SERINC5: variants seen among roughly 807,000 people sequenced by gnomAD.
The protein encoded by SERINC5 is serine incorporator 5, also known as chromosome 5 open reading frame 12.
SERINC5 carries 41 observed loss-of-function variants against 63.1 expected under a neutral mutation model. The ratio of observed to expected loss-of-function variants is 0.65; its 90% confidence interval spans 0.51 to 0.84. The LOEUF is 0.84. Among genes scored for constraint, SERINC5 ranks in the 40% least tolerant of loss-of-function variants. SERINC5 has a pLI of 0.00. For synonymous variants in SERINC5, 222 were observed against 215.2 expected, an observed-to-expected ratio of 1.03 and a Z score of -0.28; for missense variants, 523 against 573.0, an observed-to-expected ratio of 0.91 and a Z score of 0.89.
At chr5:80,164,686 G>C (rs1259412013) in intron 7 of SERINC5, among the ~76,000 whole-genome samples, 3 of 151,878 alleles carry the variant, frequency 2.0e-5, no homozygotes, top group African/African-American at 7.3e-5. Context: ...ACACAGCCCT[G>C]ATCTTTGTTA....
intron 2 of SERINC5, among the ~76,000 whole-genome samples, chr5:80,181,981 A>G (rs934549870): frequency 2.6e-5 from 4 of 152,158 alleles, no homozygotes; most frequent in Admixed American, 2.0e-4. Flanking sequence ...CTTAATGTTA[A>G]ATGTTATTTT....
intron 1 of SERINC5, among the ~76,000 whole-genome samples, chr5:80,243,785 A>AAATAAATAAATG (rs1449805916): frequency 2.7e-5 from 4 of 148,422 alleles, no homozygotes; most frequent in Non-Finnish European, 4.5e-5. Flanking sequence ...ATAAATAAAT[A>AAATAAATAAATG]AAACAAAATA....
At chr5:80,160,677 T>C (rs747681735) in intron 7 of SERINC5, among the ~76,000 whole-genome samples, 7 of 152,124 alleles carry the variant, frequency 4.6e-5, no homozygotes, top group Non-Finnish European at 1.0e-4. Flanking sequence ...CATTAAGTAA[T>C]TTCTCACCAT....
At position 80,193,162 on chromosome 5, in the gene SERINC5, T is replaced by A. The variant is rs1299756470; in HGVS notation, c.195+9724A>T. Among the ~76,000 whole-genome samples the A allele has an allele frequency of 2.0e-5, 3 of 152,226 alleles. No homozygotes were observed. In the East Asian group the frequency reaches 5.8e-4, roughly 29 times the overall value. On this transcript the variant is annotated intron_variant, in intron 2 of 11. Transcript: ENST00000507668. ...AAACTTTTGAAGAATGAGCTCGGAT[T>A]ACAGTTTAATCAAGTCACAGAATCA...
intron 1 of SERINC5, among the ~76,000 whole-genome samples, chr5:80,238,525 CT>C (rs1227284726): frequency 6.6e-6 from 1 of 152,144 alleles, no homozygotes; most frequent in Non-Finnish European, 1.5e-5. Flanking sequence ...TGGCGCATGC[CT>C]GTAATCCCAG....
chr5:80,121,664 TA>T (rs138900224), intron 11 of SERINC5, among the ~76,000 whole-genome samples: 2,678 of 152,280 alleles, frequency 0.018, 28 homozygotes, highest in Non-Finnish European at 0.028. Context: ...TAATTTATTT[TA>T]AAAAGAGGTT....
chr5:80,203,967 T>C (rs867720046), intron 1 of SERINC5, among the ~76,000 whole-genome samples: 1 of 152,172 alleles, frequency 6.6e-6, no homozygotes, highest in Admixed American at 6.5e-5. Flanking sequence ...ATGTACATAA[T>C]AGTGCCTCCA....
At chr5:80,209,874 C>T (rs913410250) in intron 1 of SERINC5, among the ~76,000 whole-genome samples, 1 of 151,858 alleles carries the variant, frequency 6.6e-6, no homozygotes, top group Non-Finnish European at 1.5e-5. Context: ...ATGGCAAAAC[C>T]CCATCTCTAC....
intron 1 of SERINC5, among the ~76,000 whole-genome samples, chr5:80,233,888 T>C (rs1293921531): frequency 7.3e-6 from 1 of 137,754 alleles, no homozygotes; most frequent in Non-Finnish European, 1.5e-5. Context: ...CTCGGCTCAC[T>C]ACAACCTCTG....
chr5:80,141,344 A>G lies in SERINC5; in HGVS notation c.*2319T>C. ...CAGAAGGAAGCGACGAGGGCCTTCT[A>G]CCGGCCACACTCCCTTGCTTGGGCT... On this transcript the variant is annotated 3_prime_UTR_variant, in exon 12 of 12. Coordinates refer to ENST00000507668, the MANE Select transcript of SERINC5 (RefSeq NM_001174072.3). 1.0e-6 allele frequency: 1 copy of G among 985,438 alleles called. No homozygotes were observed. Among genetic ancestry groups the G allele is most frequent in the East Asian group, 1.1e-4 (1 of 8,824 alleles). The allele number at this position is 985,438 out of a possible 1,614,324, so 61.0% of individuals were successfully genotyped here. A position where few individuals can be genotyped will look rare whatever the true frequency, so the allele number is the denominator to read the frequency against.
intron 9 of SERINC5, among the ~76,000 whole-genome samples, chr5:80,149,440 C>A (rs1390418558): frequency 1.3e-5 from 2 of 152,140 alleles, no homozygotes; most frequent in African/African-American, 4.8e-5. Flanking sequence ...GCAAGAGAGA[C>A]CAACCCCAGA....
chr5:80,172,480 CT>C (rs1747732449), intron 5 of SERINC5, among the ~76,000 whole-genome samples: 1 of 152,198 alleles, frequency 6.6e-6, no homozygotes. Flanking sequence ...GAAAAAGCAA[CT>C]TGCTTTATGC....
intron 1 of SERINC5, among the ~76,000 whole-genome samples, chr5:80,239,044 C>T (rs1439663068): frequency 6.6e-6 from 1 of 152,156 alleles, no homozygotes; most frequent in East Asian, 1.9e-4. Context: ...GCTGTGTGGC[C>T]TTGGAAGATA....
At chr5:80,175,387 T>G (rs1747962765) in intron 4 of SERINC5, among the ~76,000 whole-genome samples, 1 of 152,102 alleles carries the variant, frequency 6.6e-6, no homozygotes, top group African/African-American at 2.4e-5. Context: ...ACCCACAACT[T>G]AAAAGCAAAC....
chr5:80,212,833 G>C (rs906491116), intron 1 of SERINC5, among the ~76,000 whole-genome samples: 6 of 152,160 alleles, frequency 3.9e-5, no homozygotes, highest in Non-Finnish European at 5.9e-5. Flanking sequence ...TGTAACTGCA[G>C]GTAGTTCCTA....
intron 7 of SERINC5, 65 bp downstream of exon 7, chr5:80,166,318 G>C: frequency 9.2e-7 from 1 of 1,092,352 alleles, no homozygotes; most frequent in Non-Finnish European, 1.4e-6. Flanking sequence ...TTAAACAATA[G>C]CTCATTCCTC....
At chr5:80,172,397 G>A (rs1390462522) in intron 5 of SERINC5, among the ~76,000 whole-genome samples, 1 of 152,124 alleles carries the variant, frequency 6.6e-6, no homozygotes, top group Admixed American at 6.5e-5. Flanking sequence ...CAGGGAGAAT[G>A]AATTGAATGA....
intron 2 of SERINC5, among the ~76,000 whole-genome samples, chr5:80,184,138 C>G (rs180928955): frequency 1.3e-5 from 2 of 151,938 alleles, no homozygotes; most frequent in African/African-American, 4.9e-5. Flanking sequence ...CTTTGAATCT[C>G]TAAAAGCTAC....
chr5:80,138,784 A>G lies in SERINC5; in HGVS notation c.*4879T>C, dbSNP rs907461962. The G allele has an allele frequency of 1.0e-5, 10 of 981,734 alleles. No homozygotes were observed. In the African/African-American group the frequency reaches 1.6e-4, roughly 15 times the overall value. 60.8% of individuals were successfully genotyped at this position (981,734 alleles called of 1,614,324 possible). ...CAATTAAAGGATCAGCATAGACTCC[A>G]TGAAACTTGAGAGACCTGATTAACA... On this transcript the variant is annotated 3_prime_UTR_variant, in exon 12 of 12. Transcript: ENST00000507668.
Sources: allele counts gnomAD v4.1 joint callset (sites outside exome capture counted in the v4.1 genomes callset), GRCh38; gene constraint gnomAD v4.1.1; transcripts MANE v1.5; gene names NCBI Gene and HGNC (gene_info 2026-07-23, HGNC 2026-07-21).